Variants in COX17 observed in about 807,000 individuals in gnomAD.
COX17 encodes cytochrome c oxidase copper chaperone COX17.
A neutral mutation model predicts 6.3 loss-of-function variants in COX17; 1 was observed. That is an observed-to-expected ratio of 0.16 (90% confidence interval 0.06 to 0.75). The LOEUF is 0.75. COX17 is among the 30% of genes least tolerant of loss of function. The pLI is 0.77. For missense variants in COX17, 73 were observed against 81.2 expected, an observed-to-expected ratio of 0.90 and a Z score of 0.39; for synonymous variants, 26 against 30.5, an observed-to-expected ratio of 0.85 and a Z score of 0.49.
intron 1 of COX17, 133 bp downstream of exon 1, chr3:119,677,071 A>C (rs7618526): frequency 1.5e-5 from 10 of 689,556 alleles, no homozygotes; most frequent in East Asian, 5.6e-5. Flanking sequence ...GGGGGGAAGG[A>C]AGAGGGCAGA....
At chr3:119,665,464 C>T (rs914290929), downstream of COX17, 6 of 152,260 alleles carry the variant, frequency 3.9e-5, no homozygotes, top group Admixed American at 3.3e-4. Context: ...AGCCTCAGTC[C>T]TCTGGGTTCA....
chr3:119,677,008 C>G (rs13067694), intron 1 of COX17, 196 bp downstream of exon 1: 1 of 322,428 alleles, frequency 3.1e-6, no homozygotes, highest in South Asian at 4.7e-5. Context: ...CGCAATGGGG[C>G]GGGGCGGGGC....
intron 1 of COX17, 60 bp downstream of exon 1, chr3:119,677,144 G>T (rs985056988): frequency 7.3e-6 from 10 of 1,378,470 alleles, no homozygotes; most frequent in Non-Finnish European, 2.0e-6. Flanking sequence ...CAGAGGCACC[G>T]GAAGGCACAG....
chr3:119,669,014 T>C (rs2053018065), downstream of COX17, among the ~76,000 whole-genome samples: 2 of 152,282 alleles, frequency 1.3e-5, no homozygotes, highest in Middle Eastern at 6.8e-3. Context: ...AATTAGTTTC[T>C]AATTAATAAG....
chr3:119,668,733 C>A (rs1264730704), downstream of COX17, among the ~76,000 whole-genome samples: 1 of 151,930 alleles, frequency 6.6e-6, no homozygotes, highest in Non-Finnish European at 1.5e-5. Flanking sequence ...TCCCATCACA[C>A]AATGATACAT....
At chr3:119,673,160 G>C (rs761336404) in intron 2 of COX17, among the ~76,000 whole-genome samples, 1 of 152,202 alleles carries the variant, frequency 6.6e-6, no homozygotes, top group Non-Finnish European at 1.5e-5. Context: ...AATCGGCATG[G>C]AGACTGAGGC....
downstream of COX17, among the ~76,000 whole-genome samples, chr3:119,668,308 C>T (rs1052352830): frequency 2.0e-5 from 3 of 152,096 alleles, no homozygotes; most frequent in African/African-American, 4.8e-5. Flanking sequence ...TGCCAAAGAT[C>T]TGTATTGGGT....
chr3:119,677,027 G>T, intron 1 of COX17, 177 bp downstream of exon 1: 1 of 451,406 alleles, frequency 2.2e-6, no homozygotes, highest in Non-Finnish European at 4.0e-6. Flanking sequence ...GCGGGGCGGG[G>T]GGGGGGGGCA....
intron 2 of COX17, among the ~76,000 whole-genome samples, chr3:119,670,028 ACCTGCAAACC>A (rs1480017797): frequency 1.3e-5 from 2 of 152,180 alleles, no homozygotes; most frequent in African/African-American, 4.8e-5. Context: ...AAGAAACAAG[ACCTGCAAACC>A]CCTCTTTGCT....
chr3:119,672,316 TCTCA>T (rs765135119), intron 2 of COX17, among the ~76,000 whole-genome samples: 2 of 152,204 alleles, frequency 1.3e-5, no homozygotes, highest in Non-Finnish European at 2.9e-5. Flanking sequence ...CAAACATAAT[TCTCA>T]CTCTCTGCCC....
At chr3:119,673,932 G>A (rs989001016) in intron 2 of COX17, among the ~76,000 whole-genome samples, 1 of 151,868 alleles carries the variant, frequency 6.6e-6, no homozygotes, top group Admixed American at 6.6e-5. Context: ...GAGTACCTCT[G>A]TCCGGCCACC....
intron 2 of COX17, 144 bp from the exon 3 acceptor site, chr3:119,669,809 T>C (rs2053026370): frequency 6.6e-6 from 1 of 152,144 alleles, no homozygotes; most frequent in Non-Finnish European, 1.5e-5. Flanking sequence ...AGTCATAAAA[T>C]TCAAAATCAA....
downstream of COX17, among the ~76,000 whole-genome samples, chr3:119,667,688 T>TACACACACAC (rs58875404): frequency 7.3e-6 from 1 of 136,822 alleles, no homozygotes; most frequent in African/African-American, 2.8e-5. Flanking sequence ...GTAAAAGGTG[T>TACACACACAC]ACACACACAC....
chr3:119,671,097 T>A (rs966952052), intron 2 of COX17, among the ~76,000 whole-genome samples: 2 of 152,228 alleles, frequency 1.3e-5, no homozygotes. Context: ...CCTTTGCTAC[T>A]ACTAAATTTT....
downstream of COX17, among the ~76,000 whole-genome samples, chr3:119,666,670 G>C (rs566117981): frequency 2.0e-5 from 3 of 152,238 alleles, no homozygotes; most frequent in African/African-American, 4.8e-5. Flanking sequence ...TTTGAGGGTA[G>C]AGTCTATGTC....
At chr3:119,674,911 A>G (rs897519417) in intron 2 of COX17, 12 of 470,496 alleles carry the variant, frequency 2.6e-5, no homozygotes, top group African/African-American at 1.6e-4. Context: ...TGGGACCTAA[A>G]GGCTTTTGTC....
chr3:119,667,238 A>C (rs1053198303), downstream of COX17, among the ~76,000 whole-genome samples: 1 of 152,208 alleles, frequency 6.6e-6, no homozygotes, highest in Non-Finnish European at 1.5e-5. Flanking sequence ...ACCCACTAGG[A>C]GGCCAAGTTC....
At chr3:119,666,079 G>C (rs1021374202), downstream of COX17, among the ~76,000 whole-genome samples, 1 of 152,182 alleles carries the variant, frequency 6.6e-6, no homozygotes, top group East Asian at 1.9e-4. Context: ...CCTCAATTGT[G>C]ACGGAATTTG....
intron 1 of COX17, among the ~76,000 whole-genome samples, chr3:119,676,577 A>T (rs2107836381): frequency 6.6e-6 from 1 of 152,276 alleles, no homozygotes; most frequent in African/African-American, 2.4e-5. Context: ...TTGATTTTCA[A>T]CTTTTGGTTG....
Sources: gnomAD v4.1 joint callset for allele counts (sites outside exome capture counted in the v4.1 genomes callset) on GRCh38, gnomAD v4.1.1 for gene constraint, MANE v1.5 for transcripts, NCBI Gene and HGNC (gene_info 2026-07-23, HGNC 2026-07-21) for gene names.